BLM: variants seen among roughly 807,000 people sequenced by gnomAD.
BLM encodes recQ-like DNA helicase BLM.
Under a neutral mutation model 135.3 loss-of-function variants are expected in BLM, and 95 were observed. The observed-to-expected ratio is 0.70, with a 90% CI of 0.59 to 0.83. The LOEUF (loss-of-function observed/expected upper bound fraction) is 0.83, where lower values mean the gene tolerates loss of function less well. BLM is among the 40% of genes least tolerant of loss of function. The pLI is 0.00. For missense variants in BLM, 1,518 were observed against 1,663.9 expected (o/e 0.91, Z 1.53); for synonymous variants, 520 against 589.2 (o/e 0.88, Z 1.70).
At chr15:90,770,942 G>C (rs553215393) in intron 12 of BLM, among the ~76,000 whole-genome samples, 1 of 152,258 alleles carries the variant, frequency 6.6e-6, no homozygotes, top group African/African-American at 2.4e-5. Context: ...CAAGCATTTT[G>C]GGTTTCTTCC....
chr15:90,766,103 A>C (rs1896119287), intron 9 of BLM, among the ~76,000 whole-genome samples: 1 of 152,074 alleles, frequency 6.6e-6, no homozygotes, highest in Non-Finnish European at 1.5e-5. Flanking sequence ...CGAGACCCCG[A>C]CTCAATCACA....
At chr15:90,788,265 A>G (rs1896803943) in intron 14 of BLM, among the ~76,000 whole-genome samples, 1 of 152,218 alleles carries the variant, frequency 6.6e-6, no homozygotes, top group Admixed American at 6.5e-5. Context: ...CAAAAATAAT[A>G]GAAGACTGTC....
At chr15:90,804,929 C>T (rs898926212) in intron 19 of BLM, among the ~76,000 whole-genome samples, 2 of 152,110 alleles carry the variant, frequency 1.3e-5, no homozygotes, top group Non-Finnish European at 2.9e-5. Context: ...CTCCGCCTCC[C>T]AGGTTCAAGC....
chr15:90,755,118 A>G lies in BLM; in HGVS notation c.1087+180A>G, dbSNP rs189445793. 1.2e-3 allele frequency: 854 copies of G among 712,254 alleles called. 5 individuals are homozygous for G. In the African/African-American group the frequency reaches 0.014, roughly 12 times the overall value. 44.1% of individuals were successfully genotyped at this position (712,254 alleles called of 1,614,324 possible). A position where few individuals can be genotyped will look rare whatever the true frequency, so the allele number is the denominator to read the frequency against. On this transcript the variant is annotated intron_variant, in intron 5 of 21. Transcript: ENST00000355112. The stretch of plus-strand genomic sequence containing the variant: ...TAGCCAGCATTTGCCTGAACAACTC[A>G]TGAACTCATGCTCTCACAAGGGCGT...
At chr15:90,731,461 A>C (rs905485875) in intron 1 of BLM, among the ~76,000 whole-genome samples, 1 of 152,192 alleles carries the variant, frequency 6.6e-6, no homozygotes, top group Non-Finnish European at 1.5e-5. Context: ...TTTTACTGCC[A>C]TAAGTGCTTA....
intron 5 of BLM, among the ~76,000 whole-genome samples, chr15:90,758,785 G>A (rs1465786158): frequency 1.3e-5 from 2 of 152,274 alleles, no homozygotes; most frequent in Admixed American, 6.5e-5. Flanking sequence ...GAAAAAGGGA[G>A]GTACTTTTTC....
intron 17 of BLM, among the ~76,000 whole-genome samples, chr15:90,803,156 C>A (rs1256669993): frequency 7.3e-6 from 1 of 137,354 alleles, no homozygotes; most frequent in Non-Finnish European, 1.6e-5. Context: ...GAGTGAGACC[C>A]TGTCTCTAAA....
At position 90,814,053 on chromosome 15, in the gene BLM, T is replaced by A. The variant is rs138280243; in HGVS notation, c.4077-1049T>A. Among the ~76,000 whole-genome samples the A allele has an allele frequency of 2.6e-3, 397 of 152,282 alleles. 2 individuals carry two copies. Among genetic ancestry groups the A allele is most frequent in the African/African-American group, 8.9e-3 (368 of 41,552 alleles). ...CTGGGCTTAATTTCTCAGCAGGAAATCAGCATAGGGAAACTTCAGGCTGCA... is the reference window on the plus strand; with the variant it reads ...CTGGGCTTAATTTCTCAGCAGGAAAACAGCATAGGGAAACTTCAGGCTGCA... On this transcript the variant is annotated intron_variant, in intron 21 of 21. Transcript: ENST00000355112.
intron 10 of BLM, 117 bp from the exon 11 acceptor site, chr15:90,769,016 G>A (rs1896217692): frequency 8.7e-6 from 8 of 924,854 alleles, no homozygotes; most frequent in South Asian, 1.3e-5. Context: ...GTGAGCCACC[G>A]CACCCGGCCT....
In BLM at chr15:90,778,889, C is replaced by CTTTTTTTTTTTTT. The variant is rs60733714; in HGVS notation, c.2556-3931_2556-3919dup. On this transcript the variant is annotated intron_variant, in intron 12 of 21. Coordinates refer to ENST00000355112, the MANE Select transcript of BLM (RefSeq NM_000057.4). ...ATAGAAACTCTATGTTTAACCCTTT[C>CTTTTTTTTTTTTT]TTTTTTTTTTTTTTGAGACGGAGTC... 1.3e-4 allele frequency among the ~76,000 whole-genome samples: 17 copies of CTTTTTTTTTTTTT among 135,046 alleles called. 2 individuals are homozygous for CTTTTTTTTTTTTT. Among genetic ancestry groups the CTTTTTTTTTTTTT allele is most frequent in the East Asian group, 4.3e-4 (2 of 4,602 alleles). The allele number at this position is 135,046 out of a possible 152,430, so 88.6% of individuals were successfully genotyped here.
intron 1 of BLM, among the ~76,000 whole-genome samples, chr15:90,737,296 GA>G (rs1895244650): frequency 6.6e-6 from 1 of 151,956 alleles, no homozygotes; most frequent in African/African-American, 2.4e-5. Flanking sequence ...TAGATGGATA[GA>G]TCAATGGATG....
intron 1 of BLM, among the ~76,000 whole-genome samples, chr15:90,731,786 T>A (rs1178590981): frequency 1.3e-5 from 2 of 152,030 alleles, no homozygotes; most frequent in Non-Finnish European, 1.5e-5. Context: ...CTATTATATA[T>A]CTATTATTTT....
intron 7 of BLM, among the ~76,000 whole-genome samples, chr15:90,762,200 C>T (rs752019770): frequency 1.3e-5 from 2 of 152,176 alleles, no homozygotes; most frequent in Non-Finnish European, 2.9e-5. Context: ...CTCTTGTTCT[C>T]TGTGCTGAAC....
chr15:90,747,764 A>G lies in BLM; in HGVS notation c.98+274A>G. The G allele has an allele frequency of 1.3e-5, 5 of 378,914 alleles. No individual in the cohort carries two copies. In the East Asian group the frequency reaches 2.5e-4, roughly 19 times the overall value. 23.5% of individuals were successfully genotyped at this position (378,914 alleles called of 1,614,324 possible). A position where few individuals can be genotyped will look rare whatever the true frequency, so the allele number is the denominator to read the frequency against. ...ATTGATCTTGTAAATTTGGGCAAAT[A>G]AGTGTTTTTTAAGTTTTGGGGGGTT... On this transcript the variant is annotated intron_variant, in intron 2 of 21. Transcript: ENST00000355112.
rs942432763 is a variant in BLM at position 90,763,213 on chromosome 15, G to T, written c.2074+56G>T. 1.1e-5 allele frequency: 18 copies of T among 1,572,266 alleles called. No homozygotes were observed. The African/African-American group carries it at 1.4e-4, about 12-fold the overall frequency. ...ATCCATTGGCAGATGTTAAATGAAA[G>T]CTCTTTAATAGAAATAAAAAGACCA... On this transcript the variant is annotated intron_variant, in intron 8 of 21. Transcript: ENST00000355112.
intron 3 of BLM, among the ~76,000 whole-genome samples, 157 bp downstream of exon 3, chr15:90,750,224 G>A (rs573475540): frequency 2.0e-5 from 3 of 152,182 alleles, no homozygotes; most frequent in South Asian, 2.1e-4. Flanking sequence ...ACATTTTTGA[G>A]GCAGGACGTA....
chr15:90,747,588 G>A, intron 2 of BLM, 98 bp downstream of exon 2: 2 of 803,102 alleles, frequency 2.5e-6, no homozygotes, highest in South Asian at 3.0e-5. Flanking sequence ...GTACAGATGA[G>A]GAAATGAAGC....
chr15:90,749,288 G>A, intron 2 of BLM, 79 bp from the exon 3 acceptor site: 4 of 1,038,648 alleles, frequency 3.9e-6, no homozygotes, highest in Admixed American at 2.5e-5. Context: ...GTGTGAATTA[G>A]TTTAAAAAAT....
chr15:90,751,828 C>A lies in BLM; in HGVS notation c.841C>A (p.His281Asn). 6.2e-7 allele frequency: 1 copy of A among 1,612,618 alleles called. No homozygotes were observed. Among genetic ancestry groups the A allele is most frequent in the African/African-American group, 1.3e-5 (1 of 75,020 alleles). ...KKKNLEEAEL[H>N]STEKVPCIEF... ...GAAGAATTTGGAAGAAGCTGAATTA[C>A]ATTCAACTGAGAAAGTTCCATGTAT... The change falls in exon 4 of 22, where the codon CAT becomes AAT. Residue 281 changes from histidine (H) to asparagine (N), a missense_variant. By Grantham distance (68) the His-to-Asn change is moderately conservative. Around this residue, in one of 5 missense-constraint regions of BLM, gnomAD observed 724 missense variants for 756.9 expected, o/e 0.96. Coordinates refer to ENST00000355112, the MANE Select transcript of BLM (RefSeq NM_000057.4).
Sources: gnomAD v4.1 joint callset for allele counts (sites outside exome capture counted in the v4.1 genomes callset) on GRCh38, gnomAD v4.1.1 for gene constraint, gnomAD v4.1.1 regional missense constraint, MANE v1.5 for transcripts, NCBI Gene and HGNC (gene_info 2026-07-23, HGNC 2026-07-21) for gene names.